The following PELI2 variants were observed in gnomAD, a reference collection of about 807,000 sequenced individuals.
PELI2 encodes pellino E3 ubiquitin protein ligase family member 2.
In PELI2, 23 loss-of-function variants were observed where a neutral mutation model predicts 42.3. The ratio of observed to expected loss-of-function variants is 0.54; its 90% CI spans 0.39 to 0.77. The LOEUF (loss-of-function observed/expected upper bound fraction) is 0.77. Ranked by LOEUF, PELI2 falls within the 30% of genes least tolerant of loss-of-function variation. The pLI, the probability that PELI2 is intolerant of heterozygous loss-of-function variation, is 0.00. For synonymous variants in PELI2, 245 were observed against 212.2 expected, an observed-to-expected ratio of 1.15 and a Z score of -1.34; for missense variants, 463 against 553.2, an observed-to-expected ratio of 0.84 and a Z score of 1.64.
At position 56,273,159 on chromosome 14, in the gene PELI2, T is replaced by A. The variant is rs1889161439; in HGVS notation, c.208-6517T>A. 6.6e-6 allele frequency among the ~76,000 whole-genome samples: 1 copy of A among 152,228 alleles called. No individual in the cohort carries two copies. The highest frequency in any genetic ancestry group is 1.9e-4 in the East Asian group (1 of 5,202). On this transcript the variant is annotated intron_variant, in intron 2 of 5. Transcript: ENST00000267460. This position sits in a 1 kb window ranked among gnomAD's most constrained non-coding sequence, Gnocchi z 4.3. Reference sequence around the variant, plus strand: ...GAGGATCCACTCTCACAGAGGCTTCTCCATGCACATGTCTGCATCTTGGTG... The same window carrying A: ...GAGGATCCACTCTCACAGAGGCTTCACCATGCACATGTCTGCATCTTGGTG...
chr14:56,296,002 T>G (rs1395259245), intron 5 of PELI2, among the ~76,000 whole-genome samples: 1 of 152,250 alleles, frequency 6.6e-6, no homozygotes, highest in African/African-American at 2.4e-5. Context: ...TGTTAATCAG[T>G]CTTATAAGCA....
intron 2 of PELI2, among the ~76,000 whole-genome samples, chr14:56,235,569 C>T (rs1487132735): frequency 6.6e-6 from 1 of 152,222 alleles, no homozygotes; most frequent in Non-Finnish European, 1.5e-5. Flanking sequence ...GCCAGTGCTG[C>T]TGTGGTCACC....
At chr14:56,141,070 G>C (rs1397002083) in intron 1 of PELI2, among the ~76,000 whole-genome samples, 2 of 152,184 alleles carry the variant, frequency 1.3e-5, no homozygotes, top group Non-Finnish European at 2.9e-5. Flanking sequence ...GAACCCAAAG[G>C]CTATGGCAAG....
chr14:56,118,809 C>A lies in PELI2; in HGVS notation c.77+72C>A. ...CGCCCGCATCCTGGAGCGGGGCTGGCGGGGTGGCTCGGTGCTCTTTGGGGA... is the reference window on the plus strand; with the variant it reads ...CGCCCGCATCCTGGAGCGGGGCTGGAGGGGTGGCTCGGTGCTCTTTGGGGA... On this transcript the variant is annotated intron_variant, in intron 1 of 5. Coordinates refer to ENST00000267460, the MANE Select transcript of PELI2 (RefSeq NM_021255.3). The A allele has an allele frequency of 2.8e-6, 3 of 1,054,164 alleles. No individual in the cohort carries two copies. The South Asian group carries it at 5.0e-5, about 17-fold the overall frequency. 65.3% of individuals were successfully genotyped at this position (1,054,164 alleles called of 1,614,324 possible).
At chr14:56,238,921 G>A (rs186833966) in intron 2 of PELI2, among the ~76,000 whole-genome samples, 288 of 152,282 alleles carry the variant, frequency 1.9e-3, no homozygotes, top group Non-Finnish European at 3.3e-3. Context: ...AGAGTAACAG[G>A]TAGGAAGGTA....
chr14:56,245,106 A>C (rs2054492), intron 2 of PELI2, among the ~76,000 whole-genome samples: 112,437 of 152,086 alleles, frequency 0.74, 42,232 homozygotes, highest in African/African-American at 0.87. Flanking sequence ...CATCTCCCAG[A>C]CTTAAAGGAT....
chr14:56,131,823 T>A (rs1331683126), intron 1 of PELI2, among the ~76,000 whole-genome samples: 5 of 152,198 alleles, frequency 3.3e-5, no homozygotes, highest in African/African-American at 7.2e-5. Flanking sequence ...TAATAAAGCA[T>A]ACAGACTTGG....
intron 2 of PELI2, among the ~76,000 whole-genome samples, chr14:56,271,318 A>G (rs1889096440): frequency 6.6e-6 from 1 of 152,194 alleles, no homozygotes; most frequent in Non-Finnish European, 1.5e-5. Context: ...GGTTCAACTC[A>G]TTGGCCCCAC....
At chr14:56,155,398 G>C (rs979344716) in intron 1 of PELI2, among the ~76,000 whole-genome samples, 1 of 152,190 alleles carries the variant, frequency 6.6e-6, no homozygotes. Context: ...GTAAGATACA[G>C]CTTGAAACAA....
chr14:56,234,946 G>A (rs151194583), intron 2 of PELI2, among the ~76,000 whole-genome samples: 1 of 152,200 alleles, frequency 6.6e-6, no homozygotes, highest in East Asian at 1.9e-4. Context: ...ACAGGGACTA[G>A]GAAGTTGGAT....
At chr14:56,149,140 C>T (rs558739775) in intron 1 of PELI2, among the ~76,000 whole-genome samples, 3 of 152,258 alleles carry the variant, frequency 2.0e-5, no homozygotes, top group East Asian at 3.9e-4. Flanking sequence ...ATCTTTTTGG[C>T]TTTAGTATGT....
chr14:56,147,285 G>A lies in PELI2; in HGVS notation c.77+28548G>A, dbSNP rs542817416. On this transcript the variant is annotated intron_variant, in intron 1 of 5. Coordinates refer to ENST00000267460, the MANE Select transcript of PELI2 (RefSeq NM_021255.3). The stretch of plus-strand genomic sequence containing the variant: ...AACATTTGCTTGCAACTCTTTGCAT[G>A]GATGTATATTTTTCTTTGGTAGGTA... Among the ~76,000 whole-genome samples, 11 of 152,300 alleles carry A rather than the reference G, an allele frequency of 7.2e-5. No homozygotes were observed. In the South Asian group the frequency reaches 2.3e-3, roughly 32 times the overall value.
intron 4 of PELI2, 103 bp from the exon 5 acceptor site, chr14:56,290,165 T>G: frequency 1.2e-6 from 1 of 808,338 alleles, no homozygotes; most frequent in Non-Finnish European, 1.9e-6. Flanking sequence ...TTCATCACCT[T>G]CCTCCCCTCT....
chr14:56,300,907 T>C lies in PELI2; in HGVS notation c.*3741T>C, dbSNP rs1490086610. 6.6e-6 allele frequency: 1 copy of C among 152,128 alleles called. No homozygotes were observed. Among genetic ancestry groups the C allele is most frequent in the Non-Finnish European group, 1.5e-5 (1 of 68,026 alleles). 9.4% of individuals were successfully genotyped at this position (152,128 alleles called of 1,614,324 possible). A position where few individuals can be genotyped will look rare whatever the true frequency, so the allele number is the denominator to read the frequency against. On this transcript the variant is annotated 3_prime_UTR_variant, in exon 6 of 6. Transcript: ENST00000267460. ...TTGAAGCAGTAACACAAAAAAAAGGTTCAGTATTTTCTTTTTAGTATAACT... is the reference window on the plus strand; with the variant it reads ...TTGAAGCAGTAACACAAAAAAAAGGCTCAGTATTTTCTTTTTAGTATAACT...
intron 1 of PELI2, among the ~76,000 whole-genome samples, chr14:56,151,919 T>C (rs1282700586): frequency 3.9e-5 from 6 of 152,214 alleles, no homozygotes; most frequent in African/African-American, 1.4e-4. Flanking sequence ...TCCTTTCTCA[T>C]CAAATAGCCC....
intron 3 of PELI2, 41 bp downstream of exon 3, chr14:56,279,818 C>T (rs774855096): frequency 1.4e-5 from 14 of 1,002,284 alleles, no homozygotes; most frequent in Non-Finnish European, 2.0e-5. Context: ...AGCACGTTTT[C>T]CTTTAATTCT....
chr14:56,266,355 A>G (rs1248932753), intron 2 of PELI2, among the ~76,000 whole-genome samples: 1 of 152,054 alleles, frequency 6.6e-6, no homozygotes, highest in African/African-American at 2.4e-5. Flanking sequence ...TGCAACTCAT[A>G]TCACAGACAA....
At chr14:56,211,223 T>C (rs1353694465) in intron 2 of PELI2, among the ~76,000 whole-genome samples, 1 of 152,046 alleles carries the variant, frequency 6.6e-6, no homozygotes, top group Non-Finnish European at 1.5e-5. Context: ...GAAGCAACTT[T>C]AGCCAGTTAC....
In PELI2 at chr14:56,178,361, A is replaced by G. The variant is rs779531412; in HGVS notation, c.104A>G (p.Asp35Gly). 2 of 1,613,976 alleles carry G rather than the reference A, an allele frequency of 1.2e-6. No homozygotes were observed. Among genetic ancestry groups the G allele is most frequent in the Non-Finnish European group, 1.7e-6 (2 of 1,179,878 alleles). The change falls in exon 2 of 6, where the codon GAT becomes GGT. Residue 35 changes from aspartate to glycine, a missense_variant. Coordinates refer to ENST00000267460, the MANE Select transcript of PELI2 (RefSeq NM_021255.3). ...TACAATGGTGCTTTACCCAATGGAG[A>G]TAGAGGACGGAGGAAAAGTAGATTT... ...LGYNGALPNG[D>G]RGRRKSRFAL...
Sources: gnomAD v4.1 joint callset for allele counts (sites outside exome capture counted in the v4.1 genomes callset) on GRCh38, gnomAD v4.1.1 for gene constraint, Gnocchi (gnomAD v3.1) non-coding constraint, MANE v1.5 for transcripts, NCBI Gene and HGNC (gene_info 2026-07-23, HGNC 2026-07-21) for gene names.